NDUFS6: variants seen among roughly 807,000 people sequenced by gnomAD.
The protein encoded by NDUFS6 is NADH dehydrogenase [ubiquinone] iron-sulfur protein 6, mitochondrial.
A neutral mutation model predicts 13.2 loss-of-function variants in NDUFS6; 14 were observed. The ratio of observed to expected loss-of-function variants is 1.06; its 90% CI spans 0.70 to 1.66. NDUFS6 has a LOEUF of 1.66. Ranked by LOEUF, NDUFS6 falls within the 40% of genes most tolerant of loss-of-function variation. The pLI is 0.00. For missense variants in NDUFS6, 206 were observed against 170.8 expected (o/e 1.21, Z -1.15); for synonymous variants, 95 against 72.3 (o/e 1.31, Z -1.60).
chr5:1,804,515 C>A (rs575110508), intron 2 of NDUFS6, among the ~76,000 whole-genome samples: 41 of 152,374 alleles, frequency 2.7e-4, no homozygotes, highest in African/African-American at 9.6e-4. Context: ...TGCCTTCCCC[C>A]ATTCAGCATC....
chr5:1,802,488 C>A lies in NDUFS6; in HGVS notation c.186+114C>A, dbSNP rs912371811. ...ATAAATTTTCCCCATATTGCAAGCA[C>A]CCTAACAGTTCTGGATGGGGTTCTT... On this transcript the variant is annotated intron_variant, in intron 2 of 3. Transcript: ENST00000274137. 3.7e-6 allele frequency: 3 copies of A among 811,602 alleles called. No homozygotes were observed. The Admixed American group carries it at 7.2e-5, about 19-fold the overall frequency. The allele number at this position is 811,602 out of a possible 1,614,324, so 50.3% of individuals were successfully genotyped here. A position where few individuals can be genotyped will look rare whatever the true frequency, so the allele number is the denominator to read the frequency against.
chr5:1,814,658 C>G lies in NDUFS6; in HGVS notation c.309+197C>G. 1.2e-6 allele frequency: 1 copy of G among 845,072 alleles called. No homozygotes were observed. Among genetic ancestry groups the G allele is most frequent in the Non-Finnish European group, 1.9e-6 (1 of 515,322 alleles). The allele number at this position is 845,072 out of a possible 1,614,324, so 52.3% of individuals were successfully genotyped here. The stretch of plus-strand genomic sequence containing the variant: ...CATAGAGCCGCCTGTCCGAAAACCC[C>G]CTTTCAACTGTGAAGTGGTGGGCGG... On this transcript the variant is annotated intron_variant, in intron 3 of 3. Transcript: ENST00000274137. This position sits in a 1 kb window ranked among gnomAD's most constrained non-coding sequence, Gnocchi z 4.9.
chr5:1,813,348 A>C (rs1402276620), intron 2 of NDUFS6, among the ~76,000 whole-genome samples: 1 of 152,224 alleles, frequency 6.6e-6, no homozygotes, highest in Non-Finnish European at 1.5e-5. Context: ...TGAAAAATAT[A>C]AAATATAGTC....
At chr5:1,809,661 G>C (rs899738276) in intron 2 of NDUFS6, among the ~76,000 whole-genome samples, 1 of 152,248 alleles carries the variant, frequency 6.6e-6, no homozygotes, top group Non-Finnish European at 1.5e-5. Context: ...TGACTGCCGT[G>C]ATCGGGGCCT....
intron 3 of NDUFS6, 68 bp from the exon 4 acceptor site, chr5:1,815,783 C>G: frequency 6.7e-7 from 1 of 1,488,880 alleles, no homozygotes; most frequent in Non-Finnish European, 9.4e-7. Flanking sequence ...CATACATTTT[C>G]AATGCTTAAT....
chr5:1,810,984 T>A (rs182968290), intron 2 of NDUFS6, among the ~76,000 whole-genome samples: 1 of 152,274 alleles, frequency 6.6e-6, no homozygotes, highest in East Asian at 1.9e-4. Context: ...CAACCCTCCC[T>A]TCCTCCTCCT....
At chr5:1,809,666 G>C (rs1734187985) in intron 2 of NDUFS6, among the ~76,000 whole-genome samples, 1 of 152,206 alleles carries the variant, frequency 6.6e-6, no homozygotes, top group Non-Finnish European at 1.5e-5. Context: ...GCCGTGATCG[G>C]GGCCTGGCAG....
At chr5:1,805,393 G>C (rs1417872751) in intron 2 of NDUFS6, among the ~76,000 whole-genome samples, 2 of 152,234 alleles carry the variant, frequency 1.3e-5, no homozygotes, top group Non-Finnish European at 1.5e-5. Flanking sequence ...ATAGCAGGAA[G>C]CTAGATAATT....
chr5:1,814,941 C>G lies in NDUFS6; in HGVS notation c.309+480C>G, dbSNP rs942641226. Among the ~76,000 whole-genome samples the G allele has an allele frequency of 6.6e-6, 1 of 152,158 alleles. No homozygotes were observed. Among genetic ancestry groups the G allele is most frequent in the Admixed American group, 6.5e-5 (1 of 15,280 alleles). ...AGGGCCGTCCCTCTGTGGGAGACTC[C>G]TCATCCCCTCTTCTTATAAGGGCAC... On this transcript the variant is annotated intron_variant, in intron 3 of 3. Coordinates refer to ENST00000274137, the MANE Select transcript of NDUFS6 (RefSeq NM_004553.6). The surrounding 1 kb of genome is among the most constrained non-coding windows in gnomAD (Gnocchi z 4.9).
intron 2 of NDUFS6, among the ~76,000 whole-genome samples, chr5:1,805,191 C>T (rs1734105066): frequency 6.6e-6 from 1 of 152,104 alleles, no homozygotes. Context: ...ATTAGCCTAG[C>T]ATGGTGGCAC....
rs768137268 is a variant in NDUFS6, at chr5:1,814,613, G to T, written c.309+152G>T. The stretch of plus-strand genomic sequence containing the variant: ...ACACTGCTGGCACATTCACCCTACA[G>T]CGCCACACTACAGGGCCTACATAGA... On this transcript the variant is annotated intron_variant, in intron 3 of 3. Coordinates refer to ENST00000274137, the MANE Select transcript of NDUFS6 (RefSeq NM_004553.6). This position sits in a 1 kb window ranked among gnomAD's most constrained non-coding sequence, Gnocchi z 4.9. 1.2e-4 allele frequency: 145 copies of T among 1,178,910 alleles called. No homozygotes were observed. The highest frequency in any genetic ancestry group is 1.7e-4 in the Non-Finnish European group (140 of 817,844). 73.0% of individuals were successfully genotyped at this position (1,178,910 alleles called of 1,614,324 possible).
intron 2 of NDUFS6, among the ~76,000 whole-genome samples, chr5:1,811,174 A>T (rs187220272): frequency 6.6e-6 from 1 of 152,374 alleles, no homozygotes; most frequent in East Asian, 1.9e-4. Flanking sequence ...ATATATGTTA[A>T]TCGACCATTT....
chr5:1,808,566 T>G (rs553419519), intron 2 of NDUFS6, among the ~76,000 whole-genome samples: 122 of 152,312 alleles, frequency 8.0e-4, no homozygotes, highest in African/African-American at 2.8e-3. Flanking sequence ...GAGATGGGCT[T>G]TATTTCCTCC....
chr5:1,807,281 C>CG (rs1405077886), intron 2 of NDUFS6, among the ~76,000 whole-genome samples: 1 of 149,806 alleles, frequency 6.7e-6, no homozygotes. Flanking sequence ...TTGCCGGGGG[C>CG]GGGGGGTGAA....
chr5:1,808,682 T>A (rs957246882), intron 2 of NDUFS6, among the ~76,000 whole-genome samples: 1 of 152,254 alleles, frequency 6.6e-6, no homozygotes, highest in African/African-American at 2.4e-5. Flanking sequence ...GATTCCAACA[T>A]TCTCAAAGCA....
chr5:1,803,446 G>A (rs1734080209), intron 2 of NDUFS6, among the ~76,000 whole-genome samples: 1 of 152,234 alleles, frequency 6.6e-6, no homozygotes, highest in African/African-American at 2.4e-5. Context: ...TGGTGGTGGA[G>A]AGGGGCTTGT....
rs1388866189 is a variant in NDUFS6 at position 1,814,879 on chromosome 5, G to A, written c.309+418G>A. On this transcript the variant is annotated intron_variant, in intron 3 of 3. Coordinates refer to ENST00000274137, the MANE Select transcript of NDUFS6 (RefSeq NM_004553.6). This position sits in a 1 kb window ranked among gnomAD's most constrained non-coding sequence, Gnocchi z 4.9. Reference sequence around the variant, plus strand: ...TGGGTTCCTCCTGGGGCCTCGCTCCGGGGCTTGCAGATGAGGTCTCCTCCC... The same window carrying A: ...TGGGTTCCTCCTGGGGCCTCGCTCCAGGGCTTGCAGATGAGGTCTCCTCCC... Among the ~76,000 whole-genome samples the A allele has an allele frequency of 1.3e-5, 2 of 152,274 alleles. No homozygotes were observed. The highest frequency in any genetic ancestry group is 1.3e-4 in the Admixed American group (2 of 15,298).
chr5:1,802,380 T>TA lies in NDUFS6; in HGVS notation c.186+12dup, dbSNP rs1476993963. 4 of 1,612,788 alleles carry TA rather than the reference T, an allele frequency of 2.5e-6. No homozygotes were observed. Among genetic ancestry groups the TA allele is most frequent in the East Asian group, 2.2e-5 (1 of 44,860 alleles). ...TTGTAGGTCGTCAGAAAGAGGTGAGTAAAAAATCTAGTGAAGAGAGGTAAG... is the reference window on the plus strand; with the variant it reads ...TTGTAGGTCGTCAGAAAGAGGTGAGTAAAAAAATCTAGTGAAGAGAGGTAAG... On this transcript the variant is annotated splice_region_variant and intron_variant, in intron 2 of 3. Transcript: ENST00000274137.
chr5:1,801,671 T>A, intron 1 of NDUFS6, 122 bp downstream of exon 1: 1 of 1,410,722 alleles, frequency 7.1e-7, no homozygotes, highest in Non-Finnish European at 9.4e-7. Context: ...CGTGGTAAGG[T>A]TGTGCTGTCG....
Sources: gnomAD v4.1 joint callset for allele counts (sites outside exome capture counted in the v4.1 genomes callset) on GRCh38, gnomAD v4.1.1 for gene constraint, Gnocchi (gnomAD v3.1) non-coding constraint, MANE v1.5 for transcripts, NCBI Gene and HGNC (gene_info 2026-07-23, HGNC 2026-07-21) for gene names.